TERT: variants seen among roughly 807,000 people sequenced by gnomAD.
TERT encodes the protein telomerase reverse transcriptase.
In TERT, 42 loss-of-function variants were observed where a neutral mutation model predicts 104.0. The observed-to-expected ratio is 0.40, with a 90% confidence interval of 0.32 to 0.52. TERT has a LOEUF of 0.52. Among genes scored for constraint, TERT ranks in the 20% least tolerant of loss-of-function variants. The pLI is 0.43. For synonymous variants in TERT, 781 were observed against 725.6 expected (o/e 1.08, Z -1.23); for missense variants, 1,101 against 1,610.3 (o/e 0.68, Z 5.41).
At position 1,263,713 on chromosome 5, in the gene TERT, T is replaced by C. The variant is rs1248273277; in HGVS notation, c.2843+691A>G. Reference sequence around the variant, plus strand: ...GAGCCACCTTGCCCTGCCTGGAATGTTGATACTTTTTATTCATAAAAGAAA... The same window carrying C: ...GAGCCACCTTGCCCTGCCTGGAATGCTGATACTTTTTATTCATAAAAGAAA... On this transcript the variant is annotated intron_variant, in intron 11 of 15. Transcript: ENST00000310581. The surrounding 1 kb of genome is among the most constrained non-coding windows in gnomAD (Gnocchi z 5.3). 6.6e-6 allele frequency among the ~76,000 whole-genome samples: 1 copy of C among 152,248 alleles called. No individual in the cohort carries two copies. Among genetic ancestry groups the C allele is most frequent in the East Asian group, 1.9e-4 (1 of 5,198 alleles).
chr5:1,279,151 G>A lies in TERT; in HGVS notation c.2130+140C>T, dbSNP rs1464316883. ...TGAAGGCCTCCACCCTAGGTGCCAG[G>A]TGTGTCCTCAACAGTGACAGGGTCA... is the stretch of plus-strand genomic sequence containing the variant. On this transcript the variant is annotated intron_variant, in intron 5 of 15. Coordinates refer to ENST00000310581, the MANE Select transcript of TERT (RefSeq NM_198253.3). The A allele has an allele frequency of 4.1e-6, 4 of 980,284 alleles. No homozygotes were observed. The East Asian group carries it at 1.1e-4, about 26-fold the overall frequency. 60.7% of individuals were successfully genotyped at this position (980,284 alleles called of 1,614,324 possible).
In TERT at chr5:1,278,743, G is replaced by T. The variant is rs757387292; in HGVS notation, c.2184C>A (p.Val728=). 2 of 1,614,186 alleles carry T rather than the reference G, an allele frequency of 1.2e-6. No individual in the cohort carries two copies. Among genetic ancestry groups the T allele is most frequent in the Non-Finnish European group, 1.7e-6 (2 of 1,180,052 alleles). The change falls in exon 6 of 16, where the codon GTC becomes GTA. Residue 728 remains valine (V), a synonymous_variant. Transcript: ENST00000310581. ...TCTGGGGTTTGATGATGCTGGCGAT[G>T]ACCTCCGTGAGCCTGTCCTGGGGGA... ...DTIPQDRLTE[V]IASIIKPQNT... is the part of the protein sequence containing the mutation.
chr5:1,275,691 G>A (rs188581324), intron 6 of TERT, among the ~76,000 whole-genome samples: 1 of 152,186 alleles, frequency 6.6e-6, no homozygotes, highest in Admixed American at 6.5e-5. Flanking sequence ...AGCTCGCCTT[G>A]AACTCTGTGT....
rs533069237 is a variant in TERT at position 1,258,175 on chromosome 5, C to A, written c.3032+423G>T. On this transcript the variant is annotated intron_variant, in intron 13 of 15. Transcript: ENST00000310581. ...TGCACCTTCCCGGGGGTGGGGCCAG[C>A]GACCCTCACCTGCACCCACCTCGGC... Among the ~76,000 whole-genome samples the A allele has an allele frequency of 7.4e-4, 112 of 152,356 alleles. 1 individual carries two copies. The highest frequency in any genetic ancestry group is 2.5e-3 in the African/African-American group (104 of 41,590).
At position 1,255,576 on chromosome 5, in the gene TERT, G is replaced by A. The variant is rs1381456630; in HGVS notation, c.3033-165C>T. On this transcript the variant is annotated intron_variant, in intron 13 of 15. Coordinates refer to ENST00000310581, the MANE Select transcript of TERT (RefSeq NM_198253.3). The surrounding 1 kb of genome is among the most constrained non-coding windows in gnomAD (Gnocchi z 6.9). ...CACGGATGCATGCATGCATGTCTGT[G>A]TGTGTGCTTGTGTGTGCGAGTAGCT... Among the ~76,000 whole-genome samples the A allele has an allele frequency of 2.6e-5, 4 of 152,178 alleles. No individual in the cohort carries two copies. The highest frequency in any genetic ancestry group is 9.6e-5 in the African/African-American group (4 of 41,458).
chr5:1,294,389 C>A lies in TERT; in HGVS notation c.497G>T (p.Cys166Phe). 6.3e-7 allele frequency: 1 copy of A among 1,581,504 alleles called. No homozygotes were observed. The highest frequency in any genetic ancestry group is 2.3e-5 in the East Asian group (1 of 43,898). ...CGGCGGCCCGCACACCTGGTAGGCG[C>A]AGCTGGGAGCCACCAGCACAAAGAG... ...CALFVLVAPS[C>F]AYQVCGPPLY... The change falls in exon 2 of 16, where the codon TGC becomes TTC. Residue 166 changes from cysteine to phenylalanine, a missense_variant. Physicochemically the swap from Cys to Phe is radical, Grantham distance 205. Around this residue, in one of 5 missense-constraint regions of TERT, gnomAD observed 47 missense variants for 105.3 expected, o/e 0.45. Coordinates refer to ENST00000310581, the MANE Select transcript of TERT (RefSeq NM_198253.3).
At chr5:1,290,672 CCGGGGACCG>C (rs1750852813) in intron 2 of TERT, among the ~76,000 whole-genome samples, 4 of 66,644 alleles carry the variant, frequency 6.0e-5, no homozygotes, top group Admixed American at 3.1e-4. Context: ...ACAGGGACAC[CCGGGGACCG>C]TGCCTCACTC....
In TERT at chr5:1,274,801, GT is replaced by G. The variant is rs1749432264; in HGVS notation, c.2287-2522del. 6.6e-6 allele frequency among the ~76,000 whole-genome samples: 1 copy of G among 152,196 alleles called. No individual in the cohort carries two copies. The highest frequency in any genetic ancestry group is 1.5e-5 in the Non-Finnish European group (1 of 68,040). ...GGGAAAACGGCAACTTCAGATGCTT[GT>G]TTAGAAAAGAAAGTTCAAACATCCA... On this transcript the variant is annotated intron_variant, in intron 6 of 15. Transcript: ENST00000310581. This position sits in a 1 kb window ranked among gnomAD's most constrained non-coding sequence, Gnocchi z 5.3.
chr5:1,262,095 C>G lies in TERT; in HGVS notation c.2844-1495G>C, dbSNP rs1175910806. Among the ~76,000 whole-genome samples, 1 of 152,212 alleles carries G rather than the reference C, an allele frequency of 6.6e-6. No individual in the cohort carries two copies. Among genetic ancestry groups the G allele is most frequent in the Non-Finnish European group, 1.5e-5 (1 of 68,044 alleles). On this transcript the variant is annotated intron_variant, in intron 11 of 15. Coordinates refer to ENST00000310581, the MANE Select transcript of TERT (RefSeq NM_198253.3). The surrounding 1 kb of genome is among the most constrained non-coding windows in gnomAD (Gnocchi z 5.6). ...ATCCGCCTCCCTGTGTGTCCTTCCC[C>G]AACACCAAACCAGGGAACGTTCACC...
At chr5:1,291,687 C>G (rs796598543) in intron 2 of TERT, among the ~76,000 whole-genome samples, 62 of 120,864 alleles carry the variant, frequency 5.1e-4, no homozygotes, top group African/African-American at 1.3e-3. Context: ...ACCCGGGGGC[C>G]GCGCCTCACT....
In TERT at chr5:1,269,038, C is replaced by A. The variant is rs954349916; in HGVS notation, c.2469-405G>T. Among the ~76,000 whole-genome samples the A allele has an allele frequency of 2.0e-5, 3 of 151,858 alleles. No homozygotes were observed. Among genetic ancestry groups the A allele is most frequent in the Non-Finnish European group, 2.9e-5 (2 of 67,996 alleles). On this transcript the variant is annotated intron_variant, in intron 8 of 15. Coordinates refer to ENST00000310581, the MANE Select transcript of TERT (RefSeq NM_198253.3). This position sits in a 1 kb window ranked among gnomAD's most constrained non-coding sequence, Gnocchi z 9.0. ...CTCATGACCCTACATGTAGCCGCTGCGCGCCAACGGATACAACCTTGCCCC... is the reference window on the plus strand; with the variant it reads ...CTCATGACCCTACATGTAGCCGCTGAGCGCCAACGGATACAACCTTGCCCC...
At chr5:1,290,551 G>A (rs1750835875) in intron 2 of TERT, among the ~76,000 whole-genome samples, 1 of 64,216 alleles carries the variant, frequency 1.6e-5, no homozygotes, top group Non-Finnish European at 2.8e-5. Context: ...GACACCCGGG[G>A]ACGGTGCCTC....
chr5:1,255,045 G>A lies in TERT; in HGVS notation c.3157+242C>T, dbSNP rs1327657435. On this transcript the variant is annotated intron_variant, in intron 14 of 15. Transcript: ENST00000310581. The surrounding 1 kb of genome is among the most constrained non-coding windows in gnomAD (Gnocchi z 6.9). Reference sequence around the variant, plus strand: ...AACAGGAGAGACCAGGCCCCCCAGCGCTTCCCCAGGCAGAGCAAGGTGGGA... The same window carrying A: ...AACAGGAGAGACCAGGCCCCCCAGCACTTCCCCAGGCAGAGCAAGGTGGGA... Among the ~76,000 whole-genome samples the A allele has an allele frequency of 5.9e-5, 9 of 152,298 alleles. No homozygotes were observed. Among genetic ancestry groups the A allele is most frequent in the East Asian group, 1.9e-4 (1 of 5,172 alleles).
chr5:1,280,144 C>G lies in TERT; in HGVS notation c.1950+14G>C. 1.2e-6 allele frequency: 2 copies of G among 1,613,824 alleles called. No homozygotes were observed. The highest frequency in any genetic ancestry group is 1.7e-6 in the Non-Finnish European group (2 of 1,180,010). On this transcript the variant is annotated intron_variant, in intron 4 of 15. Coordinates refer to ENST00000310581, the MANE Select transcript of TERT (RefSeq NM_198253.3). ...CTTCTGTTTAAAAAGGAAGTTAAACCAAAGCACAGCCACCCTCTTTTCTCT... is the reference window on the plus strand; with the variant it reads ...CTTCTGTTTAAAAAGGAAGTTAAACGAAAGCACAGCCACCCTCTTTTCTCT...
intron 12 of TERT, 96 bp from the exon 13 acceptor site, chr5:1,258,755 AAG>A (rs1170367599): frequency 3.8e-6 from 4 of 1,062,280 alleles, no homozygotes; most frequent in East Asian, 5.2e-5. Context: ...TGGAACAAGA[AAG>A]AGGAACATTT....
rs1318567987 is a variant in TERT, at chr5:1,294,237, G to A, written c.649C>T (p.Pro217Ser). Residue 217 changes from proline (P) to serine (S), a missense_variant, in exon 2 of 16, where the codon CCA becomes TCA. By Grantham distance (74) the Pro-to-Ser change is moderately conservative (BLOSUM62 -1). Around this residue, in one of 5 missense-constraint regions of TERT, gnomAD observed 504 missense variants for 544.6 expected, o/e 0.93. Coordinates refer to ENST00000310581, the MANE Select transcript of TERT (RefSeq NM_198253.3). ...VREAGVPLGL[P>S]APGARRRGGS... ...CCGCGCCTCCTCGCACCCGGGGCTG[G>A]CAGGCCCAGGGGGACCCCGGCCTCC... The A allele has an allele frequency of 6.3e-7, 1 of 1,588,598 alleles. No homozygotes were observed. Among genetic ancestry groups the A allele is most frequent in the South Asian group, 1.1e-5 (1 of 89,278 alleles).
intron 6 of TERT, among the ~76,000 whole-genome samples, chr5:1,276,218 C>A (rs1749573874): frequency 6.9e-6 from 1 of 145,026 alleles, no homozygotes; most frequent in African/African-American, 2.6e-5. Flanking sequence ...AGAAACCAAT[C>A]CCACAGATCC....
chr5:1,279,329 G>A lies in TERT; in HGVS notation c.2092C>T (p.Arg698Trp), dbSNP rs866282352. Residue 698 changes from arginine to tryptophan, a missense_variant, in exon 5 of 16, where the codon CGG becomes TGG. Transcript: ENST00000310581. Reference protein sequence around the residue: ...RAWRTFVLRVRAQDPPPELYF... With the variant: ...RAWRTFVLRVWAQDPPPELYF... ...AGCTCAGGCGGCGGGTCCTGGGCCC[G>A]CACACGCAGCACGAAGGTGCGCCAG... 4 of 1,584,844 alleles carry A rather than the reference G, an allele frequency of 2.5e-6. No homozygotes were observed. The highest frequency in any genetic ancestry group is 1.3e-5 in the African/African-American group (1 of 74,418).
chr5:1,272,097 A>T, intron 7 of TERT, 88 bp downstream of exon 7: 1 of 1,128,502 alleles, frequency 8.9e-7, no homozygotes, highest in Non-Finnish European at 1.3e-6. Flanking sequence ...CAGGGCCAAC[A>T]GTCTGTCCGG....
Sources: allele counts gnomAD v4.1 joint callset (sites outside exome capture counted in the v4.1 genomes callset), GRCh38; gene constraint gnomAD v4.1.1; regional missense constraint gnomAD v4.1.1; non-coding constraint Gnocchi (gnomAD v3.1); transcripts MANE v1.5; gene names NCBI Gene and HGNC (gene_info 2026-07-23, HGNC 2026-07-21).